KCND2: variants seen among roughly 807,000 people sequenced by gnomAD.
The protein encoded by KCND2 is potassium voltage-gated channel subfamily D member 2.
In KCND2, 16 loss-of-function variants were observed where a neutral mutation model predicts 54.4. The ratio of observed to expected loss-of-function variants is 0.29; its 90% CI spans 0.20 to 0.45. KCND2 has a LOEUF of 0.45. Among genes scored for constraint, KCND2 ranks in the 20% least tolerant of loss-of-function variants. The probability of loss-of-function intolerance (pLI) is 1.00; values close to 1 mark genes in which losing one functional copy is unlikely to be tolerated. For missense variants in KCND2, 486 were observed against 824.2 expected (o/e 0.59, Z 5.02); for synonymous variants, 317 against 310.7 (o/e 1.02, Z -0.21).
intron 1 of KCND2, among the ~76,000 whole-genome samples, chr7:120,710,847 C>T (rs1235834996): frequency 1.3e-5 from 2 of 152,108 alleles, no homozygotes; most frequent in Non-Finnish European, 2.9e-5. Flanking sequence ...AATTCATTCT[C>T]GATAAGCTCA....
intron 1 of KCND2, among the ~76,000 whole-genome samples, chr7:120,658,970 A>G (rs1449592099): frequency 6.6e-6 from 1 of 152,214 alleles, no homozygotes. Flanking sequence ...CACCTAGGAG[A>G]GATAAAGTAT....
chr7:120,420,243 T>C (rs939069067), intron 1 of KCND2, among the ~76,000 whole-genome samples: 1 of 152,208 alleles, frequency 6.6e-6, no homozygotes, highest in Non-Finnish European at 1.5e-5. Context: ...AGAAGCATAC[T>C]TTCATAAGCA....
At chr7:120,515,971 C>A (rs1338693468) in intron 1 of KCND2, among the ~76,000 whole-genome samples, 1 of 152,018 alleles carries the variant, frequency 6.6e-6, no homozygotes. Flanking sequence ...GTAACCAGCA[C>A]CTTAGCATTT....
intron 1 of KCND2, among the ~76,000 whole-genome samples, chr7:120,282,682 C>T (rs189547429): frequency 2.5e-4 from 38 of 152,160 alleles, no homozygotes; most frequent in African/African-American, 9.2e-4. Context: ...AGTAAAAGGT[C>T]TTGTCTTTTT....
chr7:120,480,129 A>G (rs1328637595), intron 1 of KCND2, among the ~76,000 whole-genome samples: 1 of 152,018 alleles, frequency 6.6e-6, no homozygotes, highest in Non-Finnish European at 1.5e-5. Flanking sequence ...TATAAAAAAG[A>G]TGGTGAAAAT....
rs115539818 is a variant in KCND2, at chr7:120,473,485, C to T, written c.1115+197738C>T. 3.0e-3 allele frequency among the ~76,000 whole-genome samples: 457 copies of T among 152,196 alleles called. 2 individuals carry two copies. The highest frequency in any genetic ancestry group is 0.011 in the African/African-American group (441 of 41,526). On this transcript the variant is annotated intron_variant, in intron 1 of 5. Transcript: ENST00000331113. ...GTCATTCAGAACACTGCTCAAATGT[C>T]ATCTTCTCAAAAAGGCCTTCTCTGA...
intron 1 of KCND2, among the ~76,000 whole-genome samples, chr7:120,327,411 A>C (rs1447388052): frequency 6.6e-6 from 1 of 152,090 alleles, no homozygotes; most frequent in Non-Finnish European, 1.5e-5. Flanking sequence ...ACATTACTTA[A>C]TAGAGACCAG....
At chr7:120,657,742 G>T (rs988161420) in intron 1 of KCND2, among the ~76,000 whole-genome samples, 8 of 152,036 alleles carry the variant, frequency 5.3e-5, no homozygotes, top group African/African-American at 1.7e-4. Context: ...TAGATACTCC[G>T]CAGGCTGAGG....
intron 1 of KCND2, among the ~76,000 whole-genome samples, chr7:120,512,589 C>T (rs1424277898): frequency 6.6e-6 from 1 of 151,934 alleles, no homozygotes; most frequent in Non-Finnish European, 1.5e-5. Flanking sequence ...CTTGTGGAGG[C>T]TCATTATGAA....
intron 1 of KCND2, among the ~76,000 whole-genome samples, chr7:120,589,762 G>A (rs1792647062): frequency 6.6e-6 from 1 of 152,088 alleles, no homozygotes; most frequent in Non-Finnish European, 1.5e-5. Flanking sequence ...TATCATATCT[G>A]GACTGAGACT....
chr7:120,692,233 A>G (rs190696209), intron 1 of KCND2, among the ~76,000 whole-genome samples: 30 of 152,274 alleles, frequency 2.0e-4, no homozygotes, highest in Admixed American at 1.8e-3. Context: ...GAGATGTAAC[A>G]TGTTCGTGCC....
chr7:120,693,950 C>T (rs1584886437), intron 1 of KCND2, among the ~76,000 whole-genome samples: 1 of 152,226 alleles, frequency 6.6e-6, no homozygotes, highest in East Asian at 1.9e-4. Context: ...CTTTGGGATG[C>T]CGAGATGGGT....
chr7:120,520,814 A>G (rs1335975442), intron 1 of KCND2, among the ~76,000 whole-genome samples: 1 of 152,132 alleles, frequency 6.6e-6, no homozygotes, highest in Non-Finnish European at 1.5e-5. Flanking sequence ...CACATTTTTA[A>G]TGGATGAACC....
At chr7:120,515,922 C>CA (rs1393664358) in intron 1 of KCND2, among the ~76,000 whole-genome samples, 1 of 152,040 alleles carries the variant, frequency 6.6e-6, no homozygotes, top group Non-Finnish European at 1.5e-5. Context: ...TAGCACAAAA[C>CA]AAAGTATAGG....
chr7:120,402,715 T>C (rs569466848), intron 1 of KCND2, among the ~76,000 whole-genome samples: 1 of 152,276 alleles, frequency 6.6e-6, no homozygotes, highest in South Asian at 2.1e-4. Flanking sequence ...TTAAAAATGT[T>C]CCCAGGGACT....
At chr7:120,671,014 G>C (rs1791986714) in intron 1 of KCND2, among the ~76,000 whole-genome samples, 1 of 151,726 alleles carries the variant, frequency 6.6e-6, no homozygotes, top group Non-Finnish European at 1.5e-5. Flanking sequence ...CTATAATTAT[G>C]TTTGTTTACA....
intron 1 of KCND2, among the ~76,000 whole-genome samples, chr7:120,728,132 C>CAAAA (rs571232607): frequency 4.3e-5 from 2 of 46,518 alleles, no homozygotes; most frequent in Admixed American, 2.3e-4. Flanking sequence ...GATTCCGTCT[C>CAAAA]AAAAAAAAAA....
intron 1 of KCND2, among the ~76,000 whole-genome samples, chr7:120,492,403 C>T (rs1277439999): frequency 6.6e-6 from 1 of 151,934 alleles, no homozygotes; most frequent in Non-Finnish European, 1.5e-5. Flanking sequence ...CATGCATACT[C>T]ATATGTACAT....
At chr7:120,583,737 T>A (rs2116447084) in intron 1 of KCND2, among the ~76,000 whole-genome samples, 1 of 146,668 alleles carries the variant, frequency 6.8e-6, no homozygotes, top group East Asian at 2.1e-4. Context: ...TATCTCCAAA[T>A]AATCACCTTC....
Sources: gnomAD v4.1 joint callset for allele counts (sites outside exome capture counted in the v4.1 genomes callset) on GRCh38, gnomAD v4.1.1 for gene constraint, MANE v1.5 for transcripts, NCBI Gene and HGNC (gene_info 2026-07-23, HGNC 2026-07-21) for gene names.